Variants in ZKSCAN5 observed in about 807,000 individuals in gnomAD.
The protein encoded by ZKSCAN5 is zinc finger protein with KRAB and SCAN domains 5.
A neutral mutation model predicts 60.0 loss-of-function variants in ZKSCAN5; 28 were observed. That is an observed-to-expected ratio of 0.47 (90% CI 0.35 to 0.64). The LOEUF (loss-of-function observed/expected upper bound fraction) is 0.64. Ranked by LOEUF, ZKSCAN5 falls within the 30% of genes least tolerant of loss-of-function variation. ZKSCAN5 has a pLI of 0.01. For synonymous variants in ZKSCAN5, 361 were observed against 371.2 expected, an observed-to-expected ratio of 0.97 and a Z score of 0.31; for missense variants, 881 against 1,034.6, an observed-to-expected ratio of 0.85 and a Z score of 2.04.
intron 2 of ZKSCAN5, among the ~76,000 whole-genome samples, chr7:99,511,076 C>T (rs1336011824): frequency 6.6e-6 from 1 of 152,058 alleles, no homozygotes; most frequent in Non-Finnish European, 1.5e-5. Flanking sequence ...TCCTGCACCA[C>T]ATTTTGCCAG....
chr7:99,521,602 CT>C (rs1400934089), intron 5 of ZKSCAN5, among the ~76,000 whole-genome samples: 1 of 151,944 alleles, frequency 6.6e-6, no homozygotes, highest in Non-Finnish European at 1.5e-5. Context: ...TGACTCTGCT[CT>C]TTTAAATTTT....
At position 99,506,177 on chromosome 7, in the gene ZKSCAN5, A is replaced by T. The variant is rs370917462; in HGVS notation, c.133A>T (p.Thr45Ser). ...CTGGATGCAGGAGTACAACCCGCCAACGTTTGAGACTTTTTACCAGCGCTT... is the reference window on the plus strand; with the variant it reads ...CTGGATGCAGGAGTACAACCCGCCATCGTTTGAGACTTTTTACCAGCGCTT... ...CTWMQEYNPP[T>S]FETFYQRFRH... is the part of the protein sequence containing the mutation. Residue 45 changes from threonine to serine, a missense_variant, in exon 2 of 7, where the codon ACG becomes TCG. Physicochemically the swap from Thr to Ser is moderately conservative, Grantham distance 58. Transcript: ENST00000326775. The T allele has an allele frequency of 2.0e-5, 32 of 1,614,164 alleles. No homozygotes were observed. In the African/African-American group the frequency reaches 3.9e-4, roughly 19 times the overall value.
At chr7:99,512,738 C>T in intron 3 of ZKSCAN5, 147 bp downstream of exon 3, 1 of 965,958 alleles carries the variant, frequency 1.0e-6, no homozygotes, top group Non-Finnish European at 1.4e-6. Flanking sequence ...GGCCAGGGAC[C>T]TGGAGTTGAG....
At chr7:99,512,618 G>C (rs1253796782) in intron 3 of ZKSCAN5, 27 bp downstream of exon 3, 3 of 1,608,792 alleles carry the variant, frequency 1.9e-6, no homozygotes, top group Non-Finnish European at 1.7e-6. Flanking sequence ...CAGTGGAACT[G>C]ATATAGCTCA....
At chr7:99,515,005 G>A (rs933543604) in intron 3 of ZKSCAN5, among the ~76,000 whole-genome samples, 1 of 152,028 alleles carries the variant, frequency 6.6e-6, no homozygotes, top group Non-Finnish European at 1.5e-5. Context: ...CTCGAGCCCA[G>A]GAATTCGAGG....
intron 2 of ZKSCAN5, among the ~76,000 whole-genome samples, chr7:99,506,739 G>A (rs1449111545): frequency 6.6e-6 from 1 of 152,150 alleles, no homozygotes; most frequent in Non-Finnish European, 1.5e-5. Context: ...CTGGAGTGCA[G>A]TGGTGCGATC....
In ZKSCAN5 at chr7:99,506,129, A is replaced by C. The variant is rs757587236; in HGVS notation, c.85A>C (p.Lys29Gln). Residue 29 changes from lysine to glutamine, a missense_variant, in exon 2 of 7, where the codon AAG (lysine) becomes CAG (glutamine). Transcript: ENST00000326775. The part of the protein sequence containing the change: ...SQEQEDLFIV[K>Q]VEEEDCTWMQ... ...GGAGCAGGAAGACCTTTTCATAGTG[A>C]AGGTGGAAGAAGAAGACTGCACCTG... is the stretch of plus-strand genomic sequence containing the variant. 6.2e-7 allele frequency: 1 copy of C among 1,614,118 alleles called. No individual in the cohort carries two copies. Among genetic ancestry groups the C allele is most frequent in the South Asian group, 1.1e-5 (1 of 91,078 alleles).
intron 2 of ZKSCAN5, among the ~76,000 whole-genome samples, chr7:99,509,114 G>C (rs1435115350): frequency 6.6e-6 from 1 of 151,346 alleles, no homozygotes; most frequent in Non-Finnish European, 1.5e-5. Context: ...TCAGCCTCCC[G>C]AGTAGCTGGG....
In ZKSCAN5 at chr7:99,525,800, T is replaced by C. The variant is rs1440212932; in HGVS notation, c.773-13T>C. ...GAAAAGCTCATTTTTTAATTCTCCC[T>C]CTGTTATTTCAGGTTATGAGTCCAG... On this transcript the variant is annotated splice_polypyrimidine_tract_variant and intron_variant, in intron 5 of 6. Coordinates refer to ENST00000326775, the MANE Select transcript of ZKSCAN5 (RefSeq NM_145102.4). 9 of 1,579,090 alleles carry C rather than the reference T, an allele frequency of 5.7e-6. No homozygotes were observed. Among genetic ancestry groups the C allele is most frequent in the Non-Finnish European group, 3.4e-6 (4 of 1,161,064 alleles).
intron 2 of ZKSCAN5, among the ~76,000 whole-genome samples, chr7:99,507,146 T>C (rs968898598): frequency 6.6e-6 from 1 of 152,186 alleles, no homozygotes; most frequent in Non-Finnish European, 1.5e-5. Flanking sequence ...ATTCTGTATG[T>C]ATAAGCATAT....
rs767583111 is a variant in ZKSCAN5, at chr7:99,531,986, A to G, written c.2257A>G (p.Asn753Asp). 6.2e-7 allele frequency: 1 copy of G among 1,614,076 alleles called. No homozygotes were observed. Among genetic ancestry groups the G allele is most frequent in the Non-Finnish European group, 8.5e-7 (1 of 1,180,054 alleles). The change falls in exon 7 of 7, where the codon AAT (asparagine) becomes GAT (aspartate). Residue 753 changes from asparagine (N) to aspartate (D), a missense_variant. Physicochemically the swap from Asn to Asp is conservative, Grantham distance 23. Around this residue, in one of 5 missense-constraint regions of ZKSCAN5, gnomAD observed 138 missense variants for 143.8 expected, o/e 0.96. Transcript: ENST00000326775. ...CTATCAATGTGATATATGTAGAGAA[A>G]ATGTTGGCCAGTGTTCCCACACCAA... Reference protein sequence around the residue: ...KPYQCDICRENVGQCSHTKQH... With the variant: ...KPYQCDICREDVGQCSHTKQH...
chr7:99,505,208 G>GA (rs1425970774), intron 1 of ZKSCAN5: 1 of 152,312 alleles, frequency 6.6e-6, no homozygotes, highest in African/African-American at 2.4e-5. Context: ...TGCTTTCGGG[G>GA]GGGGGTGGGA....
intron 3 of ZKSCAN5, among the ~76,000 whole-genome samples, chr7:99,517,919 G>C (rs1225294264): frequency 3.3e-5 from 5 of 152,172 alleles, no homozygotes; most frequent in African/African-American, 1.2e-4. Flanking sequence ...ACGGGCCGTG[G>C]GTTGGGCAAG....
At chr7:99,506,714 G>T (rs1462207244) in intron 2 of ZKSCAN5, among the ~76,000 whole-genome samples, 1 of 152,142 alleles carries the variant, frequency 6.6e-6, no homozygotes, top group South Asian at 2.1e-4. Context: ...ACGGAGTCTC[G>T]CTCTGTCGCC....
In ZKSCAN5 at chr7:99,531,316, G is replaced by A. The variant is rs146451815; in HGVS notation, c.1587G>A (p.Arg529=). 2 of 1,614,162 alleles carry A rather than the reference G, an allele frequency of 1.2e-6. No homozygotes were observed. Among genetic ancestry groups the A allele is most frequent in the Non-Finnish European group, 8.5e-7 (1 of 1,180,026 alleles). Residue 529 remains arginine, a synonymous_variant, in exon 7 of 7, where the codon AGG becomes AGA. Transcript: ENST00000326775. The part of the protein sequence containing the change: ...KEILGQPSSK[R]MNYSEVPYVH... ...TACTAGGACAACCATCTTCAAAGAG[G>A]ATGAACTACAGTGAAGTCCCATATG...
chr7:99,510,991 G>A (rs1034831852), intron 2 of ZKSCAN5, among the ~76,000 whole-genome samples: 1 of 152,098 alleles, frequency 6.6e-6, no homozygotes, highest in African/African-American at 2.4e-5. Context: ...TCATCCACCC[G>A]CTTCTGCCTC....
chr7:99,520,145 T>G, intron 4 of ZKSCAN5, 24 bp from the exon 5 acceptor site: 1 of 1,611,248 alleles, frequency 6.2e-7, no homozygotes, highest in Non-Finnish European at 8.5e-7. Flanking sequence ...GGAATGAGAA[T>G]TTAGTGGAGA....
chr7:99,513,732 A>C (rs1562905820), intron 3 of ZKSCAN5: 1 of 357,806 alleles, frequency 2.8e-6, no homozygotes, highest in Non-Finnish European at 5.7e-6. Context: ...TATGTTAAAA[A>C]AACAAAAAAA....
chr7:99,506,295 A>G lies in ZKSCAN5; in HGVS notation c.251A>G (p.His84Arg). 1 of 1,614,196 alleles carries G rather than the reference A, an allele frequency of 6.2e-7. No homozygotes were observed. Among genetic ancestry groups the G allele is most frequent in the Non-Finnish European group, 8.5e-7 (1 of 1,180,032 alleles). ...LCCEWLRPEL[H>R]TKEQILELLV... is the part of the protein sequence containing the mutation. ...TGTGAGTGGCTGAGGCCCGAGCTGC[A>G]CACGAAGGAGCAGATCCTGGAGCTG... The change falls in exon 2 of 7, where the codon CAC becomes CGC. Residue 84 changes from histidine (H) to arginine (R), a missense_variant. By Grantham distance (29) the His-to-Arg change is conservative. Transcript: ENST00000326775.
Sources: allele counts gnomAD v4.1 joint callset (sites outside exome capture counted in the v4.1 genomes callset), GRCh38; gene constraint gnomAD v4.1.1; regional missense constraint gnomAD v4.1.1; transcripts MANE v1.5; gene names NCBI Gene and HGNC (gene_info 2026-07-23, HGNC 2026-07-21).